Variants in TMEM132D observed in about 807,000 individuals in gnomAD.
TMEM132D encodes transmembrane protein 132D.
TMEM132D carries 21 observed loss-of-function variants against 62.3 expected under a neutral mutation model. That is an observed-to-expected ratio of 0.34 (90% CI 0.24 to 0.49). The LOEUF is 0.49. Among genes scored for constraint, TMEM132D ranks in the 20% least tolerant of loss-of-function variants. The pLI is 0.99. For synonymous variants in TMEM132D, 621 were observed against 575.6 expected (o/e 1.08, Z -1.13); for missense variants, 1,346 against 1,402.8 (o/e 0.96, Z 0.65).
intron 1 of TMEM132D, among the ~76,000 whole-genome samples, chr12:129,886,219 GT>G (rs1349283902): frequency 2.6e-5 from 4 of 152,100 alleles, no homozygotes; most frequent in Admixed American, 2.6e-4. Flanking sequence ...CTATGGGATG[GT>G]AGTGTTAAGC....
intron 3 of TMEM132D, among the ~76,000 whole-genome samples, chr12:129,484,650 T>C (rs1014191276): frequency 2.6e-5 from 4 of 152,198 alleles, no homozygotes; most frequent in African/African-American, 9.6e-5. Context: ...AACAATGGAA[T>C]CTTCTTTCTT....
At chr12:129,702,174 A>G (rs1881399955) in intron 1 of TMEM132D, among the ~76,000 whole-genome samples, 1 of 152,186 alleles carries the variant, frequency 6.6e-6, no homozygotes, top group Admixed American at 6.5e-5. Context: ...CTCTCCAATC[A>G]TCGGCATGAC....
chr12:129,531,873 T>A (rs1000419733), intron 2 of TMEM132D, among the ~76,000 whole-genome samples: 23 of 152,108 alleles, frequency 1.5e-4, no homozygotes, highest in African/African-American at 5.3e-4. Flanking sequence ...AAACATAGAA[T>A]AATGAAACCC....
At chr12:129,849,520 G>A (rs1201694324) in intron 1 of TMEM132D, among the ~76,000 whole-genome samples, 1 of 152,158 alleles carries the variant, frequency 6.6e-6, no homozygotes. Context: ...TGTGAACACA[G>A]CTATAGATGA....
intron 2 of TMEM132D, among the ~76,000 whole-genome samples, chr12:129,615,361 C>T (rs1878884738): frequency 6.6e-6 from 1 of 151,684 alleles, no homozygotes; most frequent in Admixed American, 6.6e-5. Flanking sequence ...TGAAAGGTTA[C>T]AAAAGGAGGG....
chr12:129,567,821 C>A (rs1877410253), intron 2 of TMEM132D, among the ~76,000 whole-genome samples: 1 of 152,112 alleles, frequency 6.6e-6, no homozygotes, highest in Non-Finnish European at 1.5e-5. Context: ...GTATAACCTA[C>A]ATAAACAAAT....
intron 1 of TMEM132D, among the ~76,000 whole-genome samples, chr12:129,702,089 C>G (rs1014886306): frequency 1.3e-5 from 2 of 152,198 alleles, no homozygotes; most frequent in Non-Finnish European, 2.9e-5. Flanking sequence ...CAGGCTGCAT[C>G]CAGTTTAACT....
chr12:129,408,565 T>C (rs1341328426), intron 3 of TMEM132D, among the ~76,000 whole-genome samples: 1 of 152,084 alleles, frequency 6.6e-6, no homozygotes, highest in Admixed American at 6.5e-5. Context: ...TTGAGGTTAT[T>C]CTTTGGTAGT....
At chr12:129,521,010 T>C (rs1015682529) in intron 3 of TMEM132D, among the ~76,000 whole-genome samples, 1 of 152,234 alleles carries the variant, frequency 6.6e-6, no homozygotes, top group Non-Finnish European at 1.5e-5. Context: ...AAACACCCAG[T>C]GGCTGAGATT....
intron 2 of TMEM132D, among the ~76,000 whole-genome samples, chr12:129,564,409 G>A (rs1229926787): frequency 3.9e-5 from 6 of 152,190 alleles, no homozygotes; most frequent in Non-Finnish European, 7.4e-5. Flanking sequence ...TTCTGGCAAG[G>A]AAATCACTGA....
intron 3 of TMEM132D, among the ~76,000 whole-genome samples, chr12:129,450,762 T>C (rs1380042971): frequency 7.1e-6 from 1 of 141,798 alleles, no homozygotes; most frequent in African/African-American, 2.6e-5. Flanking sequence ...TTTTTTTTTT[T>C]TTTTTTTTTT....
At chr12:129,726,767 G>A (rs1321030879) in intron 1 of TMEM132D, among the ~76,000 whole-genome samples, 1 of 152,128 alleles carries the variant, frequency 6.6e-6, no homozygotes, top group Admixed American at 6.5e-5. Context: ...TCCTGGGGGT[G>A]ATAAGTCACC....
chr12:129,895,859 T>C (rs1452824958), intron 1 of TMEM132D, among the ~76,000 whole-genome samples: 2 of 151,874 alleles, frequency 1.3e-5, no homozygotes, highest in Non-Finnish European at 2.9e-5. Flanking sequence ...AGAGAAAGGC[T>C]GAGAAACCAT....
At chr12:129,773,123 C>T (rs1429643689) in intron 1 of TMEM132D, among the ~76,000 whole-genome samples, 4 of 152,210 alleles carry the variant, frequency 2.6e-5, no homozygotes, top group African/African-American at 9.6e-5. Context: ...ATACAAATGC[C>T]CTGTAGGCAT....
rs1344089819 is a variant in TMEM132D at position 129,870,505 on chromosome 12, T to TA, written c.79+32755_79+32756insT. On this transcript the variant is annotated intron_variant, in intron 1 of 8. Transcript: ENST00000422113. ...AGCTTCCTGGTGGTGAACATCTTAA[T>TA]GTGTTGAGCATGATGCCCTGGATTC... is the stretch of plus-strand genomic sequence containing the variant. Among the ~76,000 whole-genome samples the TA allele has an allele frequency of 2.6e-5, 4 of 152,198 alleles. No homozygotes were observed. In the East Asian group the frequency reaches 7.7e-4, roughly 29 times the overall value.
intron 2 of TMEM132D, among the ~76,000 whole-genome samples, chr12:129,580,358 A>C (rs998625358): frequency 2.0e-5 from 3 of 152,214 alleles, no homozygotes; most frequent in Non-Finnish European, 2.9e-5. Context: ...GTTGAAATCG[A>C]GAGAACTTGA....
At chr12:129,162,206 T>C (rs1877418609) in intron 5 of TMEM132D, among the ~76,000 whole-genome samples, 1 of 152,092 alleles carries the variant, frequency 6.6e-6, no homozygotes, top group Non-Finnish European at 1.5e-5. Context: ...GATGTCCTTA[T>C]ATAAAAATAA....
chr12:129,099,982 C>T (rs1226353893), intron 5 of TMEM132D, among the ~76,000 whole-genome samples: 5 of 122,040 alleles, frequency 4.1e-5, no homozygotes, highest in Non-Finnish European at 7.4e-5. Flanking sequence ...CCCGCCACTA[C>T]GCCCGGCTAA....
rs3046909 is a variant in TMEM132D, at chr12:129,836,495, A to AGTGTGTGTGT, written c.79+66756_79+66765dup. On this transcript the variant is annotated intron_variant, in intron 1 of 8. Coordinates refer to ENST00000422113, the MANE Select transcript of TMEM132D (RefSeq NM_133448.3). ...ATTGCTTGTGTCTCCAGGAATGCAG[A>AGTGTGTGTGT]GTGTGTGTGTGTGTGTGTGTGCGCG... Among the ~76,000 whole-genome samples the AGTGTGTGTGT allele has an allele frequency of 4.0e-5, 6 of 150,906 alleles. No individual in the cohort carries two copies. The South Asian group carries it at 1.1e-3, about 27-fold the overall frequency.
Sources: allele counts gnomAD v4.1 joint callset (sites outside exome capture counted in the v4.1 genomes callset), GRCh38; gene constraint gnomAD v4.1.1; transcripts MANE v1.5; gene names NCBI Gene and HGNC (gene_info 2026-07-23, HGNC 2026-07-21).